LRRC4C: variants seen among roughly 807,000 people sequenced by gnomAD.
LRRC4C encodes leucine rich repeat containing 4C.
In LRRC4C, 5 loss-of-function variants were observed where a neutral mutation model predicts 33.6. That is an observed-to-expected ratio of 0.15 (90% CI 0.08 to 0.31). The LOEUF (loss-of-function observed/expected upper bound fraction) is 0.31, where lower values mean the gene tolerates loss of function less well. LRRC4C is among the 10% of genes least tolerant of loss of function. LRRC4C has a pLI of 1.00. For missense variants in LRRC4C, 560 were observed against 796.7 expected, an observed-to-expected ratio of 0.70 and a Z score of 3.58; for synonymous variants, 329 against 302.0, an observed-to-expected ratio of 1.09 and a Z score of -0.93.
chr11:40,172,198 T>C (rs1414064616), intron 5 of LRRC4C, among the ~76,000 whole-genome samples: 1 of 152,202 alleles, frequency 6.6e-6, no homozygotes, highest in African/African-American at 2.4e-5. Flanking sequence ...GAATTCCCAG[T>C]CTCCAGAACT....
At chr11:40,500,596 C>G (rs1436638739) in intron 3 of LRRC4C, among the ~76,000 whole-genome samples, 1 of 151,820 alleles carries the variant, frequency 6.6e-6, no homozygotes, top group East Asian at 1.9e-4. Context: ...GCTGAAACCC[C>G]TGATAAAACC....
chr11:41,315,265 C>T (rs1215248598), intron 1 of LRRC4C, among the ~76,000 whole-genome samples: 4 of 152,158 alleles, frequency 2.6e-5, no homozygotes, highest in Non-Finnish European at 5.9e-5. Flanking sequence ...CCCCAATGAT[C>T]GTCATCTTCT....
At chr11:40,293,398 G>A (rs1244951468) in intron 4 of LRRC4C, 1 of 152,026 alleles carries the variant, frequency 6.6e-6, no homozygotes, top group East Asian at 2.0e-4. Flanking sequence ...TCCGCGGTCG[G>A]GGCCGGGATC....
At chr11:41,271,778 G>T (rs1421358731) in intron 1 of LRRC4C, among the ~76,000 whole-genome samples, 1 of 151,974 alleles carries the variant, frequency 6.6e-6, no homozygotes, top group Non-Finnish European at 1.5e-5. Flanking sequence ...AAACATAGTA[G>T]GTTGAAAAAA....
chr11:40,435,859 A>G (rs372088716), intron 3 of LRRC4C, among the ~76,000 whole-genome samples: 1 of 152,192 alleles, frequency 6.6e-6, no homozygotes, highest in Non-Finnish European at 1.5e-5. Flanking sequence ...TGGAAAAAAC[A>G]TCCATGAATA....
intron 1 of LRRC4C, among the ~76,000 whole-genome samples, chr11:41,067,329 T>C (rs1938323286): frequency 6.6e-6 from 1 of 152,072 alleles, no homozygotes; most frequent in Middle Eastern, 3.2e-3. Flanking sequence ...AAGGGTATAA[T>C]GTAATGGTAA....
chr11:40,655,198 T>G (rs114252676), intron 2 of LRRC4C, among the ~76,000 whole-genome samples: 1,887 of 152,356 alleles, frequency 0.012, 56 homozygotes, highest in African/African-American at 0.044. Context: ...TGAATTCATT[T>G]TCACATCTAC....
chr11:40,210,709 G>C (rs556960526), intron 5 of LRRC4C, among the ~76,000 whole-genome samples: 1 of 152,296 alleles, frequency 6.6e-6, no homozygotes, highest in African/African-American at 2.4e-5. Context: ...AATTCCTTGA[G>C]AGCATTTGTA....
chr11:40,564,104 T>G (rs1213943108), intron 3 of LRRC4C, among the ~76,000 whole-genome samples: 1 of 152,202 alleles, frequency 6.6e-6, no homozygotes, highest in Non-Finnish European at 1.5e-5. Flanking sequence ...AGGGTATTGA[T>G]TAAGGACAGA....
At chr11:40,327,143 T>C (rs566041672) in intron 3 of LRRC4C, among the ~76,000 whole-genome samples, 7 of 152,320 alleles carry the variant, frequency 4.6e-5, no homozygotes, top group African/African-American at 1.2e-4. Context: ...TGCATTCTTA[T>C]CGCTAACTGG....
chr11:40,517,706 C>T (rs1367951224), intron 3 of LRRC4C, among the ~76,000 whole-genome samples: 1 of 151,526 alleles, frequency 6.6e-6, no homozygotes. Flanking sequence ...ATGCTATCCC[C>T]ATCAAGCTAC....
intron 3 of LRRC4C, among the ~76,000 whole-genome samples, chr11:40,454,056 G>A (rs1952021658): frequency 6.6e-6 from 1 of 152,098 alleles, no homozygotes; most frequent in African/African-American, 2.4e-5. Flanking sequence ...GGATCCATGA[G>A]ATTTCCTGCA....
At chr11:40,184,350 A>T (rs537489086) in intron 5 of LRRC4C, among the ~76,000 whole-genome samples, 1 of 152,304 alleles carries the variant, frequency 6.6e-6, no homozygotes, top group African/African-American at 2.4e-5. Flanking sequence ...CTTCTAATAC[A>T]GGGGGCCAGT....
chr11:40,500,291 TATACACACACACACACACACAC>T (rs1290564582), intron 3 of LRRC4C, among the ~76,000 whole-genome samples: 2 of 62,768 alleles, frequency 3.2e-5, no homozygotes, highest in African/African-American at 1.2e-4. Context: ...TATATATATA[TATACACACACACACACACACAC>T]ACACACACAC....
intron 1 of LRRC4C, among the ~76,000 whole-genome samples, chr11:41,132,690 CATTTTT>C (rs1427821152): frequency 6.6e-6 from 1 of 152,026 alleles, no homozygotes; most frequent in African/African-American, 2.4e-5. Flanking sequence ...CTACTATGAT[CATTTTT>C]ATTTTTATGA....
chr11:40,738,491 T>C (rs1390302782), intron 2 of LRRC4C, among the ~76,000 whole-genome samples: 1 of 152,128 alleles, frequency 6.6e-6, no homozygotes, highest in Admixed American at 6.6e-5. Flanking sequence ...ATTCACTTTA[T>C]AGCCAAAGTT....
intron 1 of LRRC4C, among the ~76,000 whole-genome samples, chr11:41,295,820 A>AT (rs1420379164): frequency 2.6e-5 from 4 of 152,242 alleles, no homozygotes; most frequent in Non-Finnish European, 5.9e-5. Context: ...AGGGCTTGGG[A>AT]TTGACTGGAT....
chr11:40,687,230 T>C (rs897158392), intron 2 of LRRC4C, among the ~76,000 whole-genome samples: 2 of 152,224 alleles, frequency 1.3e-5, no homozygotes, highest in Non-Finnish European at 2.9e-5. Flanking sequence ...ATAATGGAGC[T>C]GAGATTCAAT....
chr11:41,355,720 T>G (rs1321491889), intron 1 of LRRC4C, among the ~76,000 whole-genome samples: 2 of 152,136 alleles, frequency 1.3e-5, no homozygotes, highest in South Asian at 4.1e-4. Context: ...AATTGAGCTA[T>G]GTACAGTATC....
Sources: gnomAD v4.1 joint callset for allele counts (sites outside exome capture counted in the v4.1 genomes callset) on GRCh38, gnomAD v4.1.1 for gene constraint, MANE v1.5 for transcripts, NCBI Gene and HGNC (gene_info 2026-07-23, HGNC 2026-07-21) for gene names.